Variants in WDR72 observed in about 807,000 individuals in gnomAD.
The protein encoded by WDR72 is WD repeat domain 72.
Under a neutral mutation model 124.2 loss-of-function variants are expected in WDR72, and 120 were observed. That is an observed-to-expected ratio of 0.97 (90% CI 0.83 to 1.12). The LOEUF (loss-of-function observed/expected upper bound fraction) is 1.12. WDR72 is among the 50% of genes most tolerant of loss of function. The probability of loss-of-function intolerance (pLI) is 0.00; values close to 1 mark genes in which losing one functional copy is unlikely to be tolerated. For missense variants in WDR72, 1,387 were observed against 1,278.8 expected (o/e 1.08, Z -1.29); for synonymous variants, 452 against 441.7 (o/e 1.02, Z -0.29).
At chr15:53,565,477 G>A (rs1894262929) in intron 18 of WDR72, among the ~76,000 whole-genome samples, 1 of 151,846 alleles carries the variant, frequency 6.6e-6, no homozygotes, top group African/African-American at 2.4e-5. Flanking sequence ...ATGCAACAAT[G>A]TGCCAAGACC....
At chr15:53,550,903 A>G (rs1247000751) in intron 18 of WDR72, among the ~76,000 whole-genome samples, 1 of 152,210 alleles carries the variant, frequency 6.6e-6, no homozygotes, top group Non-Finnish European at 1.5e-5. Flanking sequence ...CAATCTGTAC[A>G]TAAACACAAA....
chr15:53,611,530 C>G (rs1006705879), intron 16 of WDR72, among the ~76,000 whole-genome samples: 10 of 152,082 alleles, frequency 6.6e-5, no homozygotes, highest in African/African-American at 2.4e-4. Flanking sequence ...CACTGGATAA[C>G]TAACCCTAAT....
intron 1 of WDR72, among the ~76,000 whole-genome samples, chr15:53,745,636 A>C (rs1244292440): frequency 1.3e-5 from 2 of 152,214 alleles, no homozygotes; most frequent in Non-Finnish European, 1.5e-5. Flanking sequence ...TATACTAAAA[A>C]TTATTGTTTA....
chr15:53,617,915 G>T (rs1471175522), intron 14 of WDR72, among the ~76,000 whole-genome samples: 2 of 151,946 alleles, frequency 1.3e-5, no homozygotes, highest in Non-Finnish European at 2.9e-5. Flanking sequence ...TTTGAGGACT[G>T]GGAGGTATAG....
chr15:53,710,388 CAG>C (rs2017499541), intron 9 of WDR72, among the ~76,000 whole-genome samples: 5 of 85,972 alleles, frequency 5.8e-5, no homozygotes, highest in South Asian at 9.7e-4. Context: ...GAGAGAGAGA[CAG>C]AGAATGAGAA....
chr15:53,569,346 C>T (rs1301133566), intron 18 of WDR72, among the ~76,000 whole-genome samples: 2 of 151,960 alleles, frequency 1.3e-5, no homozygotes, highest in Admixed American at 6.6e-5. Flanking sequence ...TAACTAGCAG[C>T]TCATGTGTAT....
intron 13 of WDR72, among the ~76,000 whole-genome samples, chr15:53,679,470 TA>T (rs1229086932): frequency 1.3e-5 from 2 of 151,974 alleles, no homozygotes; most frequent in Non-Finnish European, 2.9e-5. Flanking sequence ...CATGTAGAAG[TA>T]GGGCAGTCTG....
intron 13 of WDR72, among the ~76,000 whole-genome samples, chr15:53,678,842 G>T (rs1248189678): frequency 6.6e-6 from 1 of 152,114 alleles, no homozygotes; most frequent in African/African-American, 2.4e-5. Flanking sequence ...GATATGAATA[G>T]ATATTTGTAT....
At chr15:53,652,470 C>A (rs2015275710) in intron 14 of WDR72, among the ~76,000 whole-genome samples, 1 of 152,130 alleles carries the variant, frequency 6.6e-6, no homozygotes. Flanking sequence ...TTGGGGGATA[C>A]AGAATTGTAC....
chr15:53,596,641 T>C (rs1435198909), intron 18 of WDR72, among the ~76,000 whole-genome samples: 3 of 152,164 alleles, frequency 2.0e-5, no homozygotes, highest in Non-Finnish European at 4.4e-5. Flanking sequence ...TTTAATTGCT[T>C]AACTTCAAAA....
chr15:53,759,466 C>T (rs910157039), intron 1 of WDR72, 167 bp downstream of exon 1: 1 of 152,288 alleles, frequency 6.6e-6, no homozygotes, highest in African/African-American at 2.4e-5. Context: ...TAGCGCTGCG[C>T]ACGCCCACCC....
At chr15:53,550,163 C>T (rs1228237864) in intron 18 of WDR72, among the ~76,000 whole-genome samples, 1 of 152,162 alleles carries the variant, frequency 6.6e-6, no homozygotes, top group Non-Finnish European at 1.5e-5. Flanking sequence ...GCTTCCCACT[C>T]TCATCAGTCT....
chr15:53,701,651 T>G (rs138410972), intron 12 of WDR72, among the ~76,000 whole-genome samples: 1,970 of 152,046 alleles, frequency 0.013, 32 homozygotes, highest in East Asian at 0.069. Flanking sequence ...CTTGACAAGG[T>G]CTTGCTCTGT....
intron 2 of WDR72, among the ~76,000 whole-genome samples, chr15:53,724,683 T>G (rs917556498): frequency 6.6e-6 from 1 of 152,162 alleles, no homozygotes; most frequent in Non-Finnish European, 1.5e-5. Context: ...CCACAACATG[T>G]GGGGATTACA....
At chr15:53,685,000 C>A (rs1237072169) in intron 13 of WDR72, among the ~76,000 whole-genome samples, 1 of 152,174 alleles carries the variant, frequency 6.6e-6, no homozygotes, top group Non-Finnish European at 1.5e-5. Context: ...AGCTGAGGGT[C>A]CTGTCTGTTA....
At chr15:53,759,541 G>T (rs2019012995) in intron 1 of WDR72, 92 bp downstream of exon 1, 1 of 152,408 alleles carries the variant, frequency 6.6e-6, no homozygotes, top group South Asian at 2.1e-4. Flanking sequence ...CTGAAGGCGG[G>T]AAGGCGTGCG....
chr15:53,712,661 A>T, intron 7 of WDR72, 111 bp downstream of exon 7: 1 of 1,122,284 alleles, frequency 8.9e-7, no homozygotes, highest in Non-Finnish European at 1.3e-6. Context: ...TGTTCTGGTA[A>T]TACTATTACA....
At position 53,718,994 on chromosome 15, in the gene WDR72, C is replaced by T. The variant is rs8036785; in HGVS notation, c.261-2309G>A. On this transcript the variant is annotated intron_variant, in intron 3 of 19. Transcript: ENST00000360509. ...AATTTTTTGGTCTTACTCAACTTTACATCCCCACCTCAGCACCTCAATAAA... is the reference window on the plus strand; with the variant it reads ...AATTTTTTGGTCTTACTCAACTTTATATCCCCACCTCAGCACCTCAATAAA... 4.9e-3 allele frequency among the ~76,000 whole-genome samples: 746 copies of T among 152,192 alleles called. 9 individuals are homozygous for T. Among genetic ancestry groups the T allele is most frequent in the African/African-American group, 0.017 (721 of 41,544 alleles).
At chr15:53,757,191 C>T (rs2018931165) in intron 1 of WDR72, among the ~76,000 whole-genome samples, 1 of 152,098 alleles carries the variant, frequency 6.6e-6, no homozygotes. Flanking sequence ...ACTTTTAGTC[C>T]AGGTCTCCAC....
Sources: allele counts gnomAD v4.1 joint callset (sites outside exome capture counted in the v4.1 genomes callset), GRCh38; gene constraint gnomAD v4.1.1; transcripts MANE v1.5; gene names NCBI Gene and HGNC (gene_info 2026-07-23, HGNC 2026-07-21).